The following FAM186A variants were observed in gnomAD, a reference collection of about 807,000 sequenced individuals.
FAM186A encodes the protein family with sequence similarity 186 member A, also known as protein FAM186A.
In FAM186A, 163 loss-of-function variants were observed where a neutral mutation model predicts 216.8. The ratio of observed to expected loss-of-function variants is 0.75; its 90% CI spans 0.66 to 0.86. FAM186A has a LOEUF of 0.86. FAM186A is among the 40% of genes least tolerant of loss of function. The pLI is 0.00. For missense variants in FAM186A, 2,184 were observed against 2,746.2 expected (o/e 0.80, Z 4.58); for synonymous variants, 805 against 1,025.3 (o/e 0.79, Z 4.10).
chr12:50,336,208 C>CCTTT (rs1565879294), intron 4 of FAM186A, among the ~76,000 whole-genome samples: 1 of 151,950 alleles, frequency 6.6e-6, no homozygotes, highest in Non-Finnish European at 1.5e-5. Flanking sequence ...AAAGATTCTC[C>CCTTT]CTTTCTCTCT....
At chr12:50,344,177 G>T (rs967993128) in intron 4 of FAM186A, among the ~76,000 whole-genome samples, 8 of 150,394 alleles carry the variant, frequency 5.3e-5, no homozygotes, top group Non-Finnish European at 1.2e-4. Flanking sequence ...TGGTTATATT[G>T]CATGATGCTG....
At chr12:50,357,542 A>G (rs189703459) in intron 3 of FAM186A, among the ~76,000 whole-genome samples, 15 of 151,320 alleles carry the variant, frequency 9.9e-5, no homozygotes, top group Admixed American at 7.9e-4. Flanking sequence ...AAAGATTTGC[A>G]GAATGTCTGA....
In FAM186A at chr12:50,350,702, T is replaced by C. The variant is rs1942867615; in HGVS notation, c.6130A>G (p.Thr2044Ala). The C allele has an allele frequency of 6.4e-7, 1 of 1,551,482 alleles. No homozygotes were observed. The highest frequency in any genetic ancestry group is 8.7e-7 in the Non-Finnish European group (1 of 1,146,966). The change falls in exon 4 of 8, where the codon ACA becomes GCA. Residue 2044 changes from threonine to alanine, a missense_variant. By Grantham distance (58) the Thr-to-Ala change is moderately conservative. Transcript: ENST00000327337. Reference protein sequence around the residue: ...ERALLTLMKPTTSPSSLTTLL... With the variant: ...ERALLTLMKPATSPSSLTTLL... ...GTAGTGAGAGAAGATGGTGATGTTG[T>C]TGGCTTCATGAGAGTGAGAAGGGCC...
intron 3 of FAM186A, among the ~76,000 whole-genome samples, chr12:50,359,092 T>G (rs1943006576): frequency 6.7e-6 from 1 of 150,370 alleles, no homozygotes; most frequent in Non-Finnish European, 1.5e-5. Flanking sequence ...ACTTCACAGG[T>G]ACTAGGATGG....
chr12:50,356,359 A>G (rs1942977682), intron 3 of FAM186A, 111 bp from the exon 4 acceptor site: 6 of 801,450 alleles, frequency 7.5e-6, no homozygotes, highest in Admixed American at 3.5e-5. Context: ...CTAATTAAAT[A>G]TAAGATAAAG....
At chr12:50,394,440 G>C (rs1428084509) in intron 1 of FAM186A, among the ~76,000 whole-genome samples, 2 of 151,848 alleles carry the variant, frequency 1.3e-5, no homozygotes, top group East Asian at 3.9e-4. Flanking sequence ...TGTAGTCCCA[G>C]CTACTTGGGA....
At position 50,355,343 on chromosome 12, in the gene FAM186A, G is replaced by A. The variant is rs1341130851; in HGVS notation, c.1489C>T (p.Gln497Ter). The change falls in exon 4 of 8, where the codon CAA becomes TAA. Residue 497 changes from glutamine (Q) to a stop codon, truncating the protein, a stop_gained. Transcript: ENST00000327337. LOFTEE classifies it high-confidence loss of function. ...TCTTTTCTTTTCTTTTTCAGTACTT[G>A]TAGCTCATAGTATTGACTAGGTTTG... ...EAKPSQYYEL[Q>*]VLKKKRKEMK... The A allele has an allele frequency of 1.9e-6, 3 of 1,550,698 alleles. No individual in the cohort carries two copies. In the East Asian group the frequency reaches 7.3e-5, roughly 38 times the overall value.
chr12:50,360,802 A>G lies in FAM186A; in HGVS notation c.537T>C (p.Phe179=), dbSNP rs1291712288. Residue 179 remains phenylalanine, a synonymous_variant, in exon 3 of 8, where the codon TTT becomes TTC. Transcript: ENST00000327337. ...IENNVKILSR[F]STSFLDEKKK... ...TCTTTTCGTCGAGGAAAGATGTACT[A>G]AATCTGCTTAGTATCTTGACATTGT... 4 of 1,546,610 alleles carry G rather than the reference A, an allele frequency of 2.6e-6. No homozygotes were observed. Among genetic ancestry groups the G allele is most frequent in the African/African-American group, 1.4e-5 (1 of 72,844 alleles).
Position 50,355,845 on chromosome 12 carries a change from T to C in FAM186A, c.987A>G (p.Gln329=), listed in dbSNP as rs553702492. ...CTATAACAATTTTGGATCGAATAAG[T>C]TGTTCACATTTTTCTTCTGCATCTT... ...KLQDAEEKCE[Q]LIRSKIVIEQ... is the part of the protein sequence containing the mutation. The change falls in exon 4 of 8, where the codon CAA becomes CAG. Residue 329 remains glutamine (Q), a synonymous_variant. Transcript: ENST00000327337. 2.4e-5 allele frequency: 37 copies of C among 1,551,262 alleles called. No individual in the cohort carries two copies. The highest frequency in any genetic ancestry group is 3.1e-5 in the Non-Finnish European group (35 of 1,146,976).
chr12:50,360,439 C>G (rs1943021772), intron 3 of FAM186A, among the ~76,000 whole-genome samples: 2 of 150,216 alleles, frequency 1.3e-5, no homozygotes, highest in Admixed American at 1.3e-4. Flanking sequence ...AATCCCAGCA[C>G]TTTGGAAGGC....
At chr12:50,333,802 G>T in intron 5 of FAM186A, 109 bp downstream of exon 5, 1 of 1,071,056 alleles carries the variant, frequency 9.3e-7, no homozygotes. Context: ...TGTTACAGCA[G>T]CCCAGGAAAG....
chr12:50,354,245 C>A lies in FAM186A; in HGVS notation c.2587G>T (p.Glu863Ter). 6.4e-7 allele frequency: 1 copy of A among 1,551,330 alleles called. No individual in the cohort carries two copies. The highest frequency in any genetic ancestry group is 8.7e-7 in the Non-Finnish European group (1 of 1,146,896). ...TTCATCTGGAGCCATGCCTTTTTTT[C>A]TTCCCAATTCTCACTTATCTTCTCA... ...HYEKISENWEEKKAWLQMKEG... is the reference protein window; with the variant it reads ...HYEKISENWE Residue 863 changes from glutamate (E) to a stop codon, truncating the protein, a stop_gained, in exon 4 of 8, where the codon GAA (glutamate) becomes TAA (stop). Transcript: ENST00000327337. LOFTEE classifies it high-confidence loss of function.
chr12:50,362,053 A>T (rs572322920), intron 2 of FAM186A, among the ~76,000 whole-genome samples: 10 of 151,752 alleles, frequency 6.6e-5, no homozygotes, highest in Non-Finnish European at 1.5e-5. Context: ...GCTCACTGCA[A>T]TCTCCACCTC....
chr12:50,369,726 C>A (rs1213903441), intron 1 of FAM186A, among the ~76,000 whole-genome samples: 1 of 152,064 alleles, frequency 6.6e-6, no homozygotes. Context: ...TGGTGGCTCA[C>A]CCCTATAATC....
rs921313856 is a variant in FAM186A at position 50,331,561 on chromosome 12, C to G, written c.6848+109G>C. 6.4e-6 allele frequency: 7 copies of G among 1,091,138 alleles called. No individual in the cohort carries two copies. In the Admixed American group the frequency reaches 8.3e-5, roughly 13 times the overall value. 67.6% of individuals were successfully genotyped at this position (1,091,138 alleles called of 1,614,324 possible). ...CCAGCCTAATACTCCTTTAGACTCTCCATTGCACCATTTGATAATTGTGGA... is the reference window on the plus strand; with the variant it reads ...CCAGCCTAATACTCCTTTAGACTCTGCATTGCACCATTTGATAATTGTGGA... On this transcript the variant is annotated intron_variant, in intron 6 of 7. Coordinates refer to ENST00000327337, the MANE Select transcript of FAM186A (RefSeq NM_001145475.3).
At chr12:50,331,418 T>G (rs1199821156) in intron 6 of FAM186A, among the ~76,000 whole-genome samples, 3 of 152,134 alleles carry the variant, frequency 2.0e-5, no homozygotes, top group Non-Finnish European at 4.4e-5. Context: ...TTTGTACTTT[T>G]TTTAGTAGAG....
intron 2 of FAM186A, among the ~76,000 whole-genome samples, chr12:50,361,537 A>C (rs545266164): frequency 6.9e-6 from 1 of 145,596 alleles, no homozygotes; most frequent in Admixed American, 7.0e-5. Flanking sequence ...CTAAGCCCCA[A>C]TTAACTCATT....
rs1435898696 is a variant in FAM186A, at chr12:50,356,045, A to G, written c.787T>C (p.Ser263Pro). 1.9e-6 allele frequency: 3 copies of G among 1,551,624 alleles called. No individual in the cohort carries two copies. Among genetic ancestry groups the G allele is most frequent in the Non-Finnish European group, 2.6e-6 (3 of 1,146,954 alleles). The change falls in exon 4 of 8, where the codon TCA (serine) becomes CCA (proline). Residue 263 changes from serine (S) to proline (P), a missense_variant. By Grantham distance (74) the Ser-to-Pro change is moderately conservative. This residue lies in a region of FAM186A where 1,132 missense variants were observed against 1,263.4 expected (regional missense o/e 0.90). Transcript: ENST00000327337. ...LENNAIKYIS[S>P]TIVNLSTALS... is the part of the protein sequence containing the mutation. ...GCTGTAGAAAGGTTTACTATTGTTG[A>G]TGATATATATTTAATAGCATTGTTT...
At chr12:50,334,488 AT>A (rs911798864) in intron 4 of FAM186A, among the ~76,000 whole-genome samples, 1 of 145,804 alleles carries the variant, frequency 6.9e-6, no homozygotes, top group African/African-American at 2.5e-5. Flanking sequence ...ATTTAATTTT[AT>A]TTTTTTGAGA....
Sources: gnomAD v4.1 joint callset for allele counts (sites outside exome capture counted in the v4.1 genomes callset) on GRCh38, gnomAD v4.1.1 for gene constraint, gnomAD v4.1.1 regional missense constraint, MANE v1.5 for transcripts, NCBI Gene and HGNC (gene_info 2026-07-23, HGNC 2026-07-21) for gene names.